Variants in IMMP2L observed in about 807,000 individuals in gnomAD.
IMMP2L encodes mitochondrial inner membrane protease subunit 2.
A neutral mutation model predicts 19.3 loss-of-function variants in IMMP2L; 18 were observed. The observed-to-expected ratio is 0.93, with a 90% CI of 0.64 to 1.38. IMMP2L has a LOEUF of 1.38. IMMP2L is among the 40% of genes most tolerant of loss of function. The pLI is 0.00. For synonymous variants in IMMP2L, 76 were observed against 73.0 expected (o/e 1.04, Z -0.21); for missense variants, 233 against 218.2 (o/e 1.07, Z -0.43).
chr7:110,878,049 C>T (rs1018105173), intron 5 of IMMP2L, among the ~76,000 whole-genome samples: 1 of 152,142 alleles, frequency 6.6e-6, no homozygotes, highest in Non-Finnish European at 1.5e-5. Flanking sequence ...ACCTGACAAG[C>T]TTTCTCAGCT....
At chr7:111,436,802 A>G (rs1004232077) in intron 3 of IMMP2L, among the ~76,000 whole-genome samples, 5 of 151,876 alleles carry the variant, frequency 3.3e-5, no homozygotes, top group African/African-American at 1.2e-4. Flanking sequence ...CAGGCTGTAC[A>G]GGAAGCAGAT....
At chr7:110,791,998 A>G (rs764177957) in intron 5 of IMMP2L, among the ~76,000 whole-genome samples, 10 of 151,904 alleles carry the variant, frequency 6.6e-5, no homozygotes, top group Non-Finnish European at 1.5e-4. Context: ...GGAGTTGAGA[A>G]TAAATATTCT....
At chr7:111,048,238 CAAAAAAAA>C (rs575701337) in intron 3 of IMMP2L, among the ~76,000 whole-genome samples, 802 of 18,262 alleles carry the variant, frequency 0.044, 4 homozygotes, top group African/African-American at 0.092. Flanking sequence ...GACTCTGTCT[CAAAAAAAA>C]AAAAAAAAAA....
At chr7:111,240,324 G>C (rs1372623162) in intron 3 of IMMP2L, among the ~76,000 whole-genome samples, 3 of 151,876 alleles carry the variant, frequency 2.0e-5, no homozygotes, top group South Asian at 2.1e-4. Flanking sequence ...ACTTATTTAA[G>C]TTTGATTCAG....
At chr7:111,349,835 G>A (rs904874355) in intron 3 of IMMP2L, among the ~76,000 whole-genome samples, 1 of 152,068 alleles carries the variant, frequency 6.6e-6, no homozygotes, top group Admixed American at 6.6e-5. Flanking sequence ...TCTCTCAGGA[G>A]CCCTCTCCCT....
intron 3 of IMMP2L, among the ~76,000 whole-genome samples, chr7:111,473,690 A>G (rs1173069347): frequency 6.6e-6 from 1 of 152,192 alleles, no homozygotes; most frequent in Non-Finnish European, 1.5e-5. Context: ...TTCAATATCA[A>G]TATTCTAGAG....
At chr7:110,988,500 T>G (rs1822089981) in intron 3 of IMMP2L, among the ~76,000 whole-genome samples, 1 of 152,146 alleles carries the variant, frequency 6.6e-6, no homozygotes, top group African/African-American at 2.4e-5. Context: ...TGTGGTCTAG[T>G]TGATGCACAG....
In IMMP2L at chr7:110,991,459, C is replaced by T. The variant is rs115850060; in HGVS notation, c.240-27894G>A. ...GTGTGGTCTAGTAATAGGAGCAAAA[C>T]GCCATCATTTTTTTAATCTGGTCAG... On this transcript the variant is annotated intron_variant, in intron 3 of 5. Transcript: ENST00000405709. Among the ~76,000 whole-genome samples the T allele has an allele frequency of 4.3e-3, 657 of 152,096 alleles. 4 individuals are homozygous for T. Among genetic ancestry groups the T allele is most frequent in the African/African-American group, 0.015 (629 of 41,502 alleles).
chr7:110,744,185 G>C (rs534620254), intron 5 of IMMP2L, among the ~76,000 whole-genome samples: 2 of 152,286 alleles, frequency 1.3e-5, no homozygotes, highest in Admixed American at 1.3e-4. Context: ...CAGAAAGGCT[G>C]CTGCAGCCAG....
intron 3 of IMMP2L, among the ~76,000 whole-genome samples, chr7:110,972,652 A>G (rs928980907): frequency 1.1e-4 from 16 of 152,100 alleles, no homozygotes; most frequent in Non-Finnish European, 1.5e-5. Context: ...TTTGGCAACA[A>G]CAGAAGAAAA....
chr7:110,963,012 A>G (rs1819129514), intron 4 of IMMP2L: 1 of 1,507,000 alleles, frequency 6.6e-7, no homozygotes, highest in Admixed American at 2.3e-5. Context: ...GATTGTTACA[A>G]TCTTATCATC....
intron 3 of IMMP2L, among the ~76,000 whole-genome samples, chr7:111,422,628 A>T (rs1407018303): frequency 1.3e-5 from 2 of 151,856 alleles, no homozygotes; most frequent in Non-Finnish European, 2.9e-5. Flanking sequence ...TTGAGACGAT[A>T]GTCTTTTCTA....
At chr7:111,544,117 A>T (rs891068559) in intron 1 of IMMP2L, among the ~76,000 whole-genome samples, 1 of 152,180 alleles carries the variant, frequency 6.6e-6, no homozygotes, top group African/African-American at 2.4e-5. Context: ...TGAAGCTGGA[A>T]ATCCATCATT....
chr7:111,504,154 A>C (rs1247317746), intron 2 of IMMP2L, among the ~76,000 whole-genome samples: 1 of 152,166 alleles, frequency 6.6e-6, no homozygotes, highest in East Asian at 1.9e-4. Context: ...CACAAAAATC[A>C]CAAGCATTCT....
chr7:110,851,883 A>G (rs1329484090), intron 5 of IMMP2L, among the ~76,000 whole-genome samples: 1 of 152,090 alleles, frequency 6.6e-6, no homozygotes, highest in Non-Finnish European at 1.5e-5. Flanking sequence ...TTCTGGTTTC[A>G]CATTTTATTT....
chr7:111,218,302 A>C (rs1255894299), intron 3 of IMMP2L, among the ~76,000 whole-genome samples: 1 of 152,086 alleles, frequency 6.6e-6, no homozygotes, highest in Non-Finnish European at 1.5e-5. Context: ...TAAACTTTTC[A>C]ATTCTTATAA....
chr7:111,233,645 T>C (rs1813961838), intron 3 of IMMP2L, among the ~76,000 whole-genome samples: 2 of 152,126 alleles, frequency 1.3e-5, no homozygotes, highest in Admixed American at 1.3e-4. Flanking sequence ...AAGTACAGAT[T>C]TGTAAGTATA....
At chr7:110,950,559 G>A (rs1219035719) in intron 4 of IMMP2L, among the ~76,000 whole-genome samples, 2 of 151,762 alleles carry the variant, frequency 1.3e-5, no homozygotes, top group East Asian at 1.9e-4. Flanking sequence ...ATATGATCCA[G>A]CAATTCTACT....
At chr7:111,462,831 A>G (rs1840259824) in intron 3 of IMMP2L, among the ~76,000 whole-genome samples, 1 of 152,128 alleles carries the variant, frequency 6.6e-6, no homozygotes, top group Non-Finnish European at 1.5e-5. Context: ...AGTATTTTAC[A>G]TCAGTTGATT....
Sources: allele counts gnomAD v4.1 joint callset (sites outside exome capture counted in the v4.1 genomes callset), GRCh38; gene constraint gnomAD v4.1.1; transcripts MANE v1.5; gene names NCBI Gene and HGNC (gene_info 2026-07-23, HGNC 2026-07-21).